TENM4: variants seen among roughly 807,000 people sequenced by gnomAD.
TENM4 encodes the protein teneurin-4.
In TENM4, 82 loss-of-function variants were observed where a neutral mutation model predicts 243.3. The observed-to-expected ratio is 0.34, with a 90% CI of 0.28 to 0.40. TENM4 has a LOEUF of 0.40. Among genes scored for constraint, TENM4 ranks in the 10% least tolerant of loss-of-function variants. TENM4 has a pLI of 1.00. For missense variants in TENM4, 3,138 were observed against 3,673.3 expected (o/e 0.85, Z 3.77); for synonymous variants, 1,412 against 1,456.3 (o/e 0.97, Z 0.69).
intron 1 of TENM4, among the ~76,000 whole-genome samples, chr11:79,343,986 A>C (rs1857285309): frequency 1.3e-5 from 2 of 152,234 alleles, no homozygotes; most frequent in Admixed American, 1.3e-4. Context: ...GCATTCACAG[A>C]GATGCTGCTT....
intron 6 of TENM4, among the ~76,000 whole-genome samples, chr11:79,049,395 AG>A (rs2136931363): frequency 6.6e-6 from 1 of 152,372 alleles, no homozygotes; most frequent in South Asian, 2.1e-4. Flanking sequence ...TGCATGAAGG[AG>A]GATGACTAGA....
At position 78,660,519 on chromosome 11, in the gene TENM4, G is replaced by A. The variant is rs80068138; in HGVS notation, c.7551+930C>T. Reference sequence around the variant, plus strand: ...TGCAGAATCCCATTCTCCGGGGTCTGGTAGGAGATAGCTATGCTGAGGCCT... The same window carrying A: ...TGCAGAATCCCATTCTCCGGGGTCTAGTAGGAGATAGCTATGCTGAGGCCT... On this transcript the variant is annotated intron_variant, in intron 33 of 33. Transcript: ENST00000278550. Among the ~76,000 whole-genome samples the A allele has an allele frequency of 9.4e-3, 1,432 of 152,174 alleles. 22 individuals carry two copies. Among genetic ancestry groups the A allele is most frequent in the African/African-American group, 0.032 (1,321 of 41,500 alleles).
rs373614953 is a variant in TENM4, at chr11:78,783,651, G to A, written c.2365+3247C>T. Reference sequence around the variant, plus strand: ...CCTTCTTCAAGATGCAAAGAGACAGGTGATTCCTAACATAAGGAATTAGGA... The same window carrying A: ...CCTTCTTCAAGATGCAAAGAGACAGATGATTCCTAACATAAGGAATTAGGA... On this transcript the variant is annotated intron_variant, in intron 16 of 33. Coordinates refer to ENST00000278550, the MANE Select transcript of TENM4 (RefSeq NM_001098816.3). Among the ~76,000 whole-genome samples the A allele has an allele frequency of 1.6e-4, 25 of 152,298 alleles. No homozygotes were observed. In the East Asian group the frequency reaches 3.9e-3, roughly 23 times the overall value.
intron 2 of TENM4, among the ~76,000 whole-genome samples, chr11:79,232,253 C>A (rs1173421673): frequency 6.6e-6 from 1 of 152,084 alleles, no homozygotes; most frequent in African/African-American, 2.4e-5. Context: ...TGTAAGGGGC[C>A]CTGAAGTGAA....
At chr11:78,769,641 C>T (rs1481891052) in intron 18 of TENM4, among the ~76,000 whole-genome samples, 1 of 152,180 alleles carries the variant, frequency 6.6e-6, no homozygotes, top group Non-Finnish European at 1.5e-5. Flanking sequence ...ATATTTCAAT[C>T]CTCCAAGACC....
intron 27 of TENM4, among the ~76,000 whole-genome samples, chr11:78,704,157 G>GTGTGTATATATATATATA (rs1201390547): frequency 2.8e-5 from 2 of 70,536 alleles, no homozygotes; most frequent in African/African-American, 1.2e-4. Flanking sequence ...ATGTATGTGT[G>GTGTGTATATATATATATA]TCTATATATA....
intron 6 of TENM4, among the ~76,000 whole-genome samples, chr11:79,000,994 G>A (rs1194142965): frequency 6.6e-6 from 1 of 152,194 alleles, no homozygotes; most frequent in African/African-American, 2.4e-5. Flanking sequence ...TTGCACCACT[G>A]CACTTCAGCC....
At chr11:79,033,202 C>T (rs1859289938) in intron 6 of TENM4, among the ~76,000 whole-genome samples, 1 of 152,096 alleles carries the variant, frequency 6.6e-6, no homozygotes. Context: ...CTCCTCTAGA[C>T]TGCGAGATCC....
At chr11:79,138,344 TATAAAA>T (rs1862157723) in intron 4 of TENM4, among the ~76,000 whole-genome samples, 1 of 123,922 alleles carries the variant, frequency 8.1e-6, no homozygotes, top group African/African-American at 3.1e-5. Context: ...ATATATAATA[TATAAAA>T]ATATATAATA....
At chr11:78,854,962 TGA>T (rs1320791533) in intron 11 of TENM4, among the ~76,000 whole-genome samples, 6 of 152,202 alleles carry the variant, frequency 3.9e-5, no homozygotes, top group Non-Finnish European at 7.3e-5. Context: ...ACTGCTTGTG[TGA>T]GACTCCAGAA....
intron 1 of TENM4, among the ~76,000 whole-genome samples, chr11:79,404,175 C>T (rs929826548): frequency 3.9e-5 from 6 of 152,220 alleles, no homozygotes; most frequent in African/African-American, 1.4e-4. Flanking sequence ...CCCCAAACAG[C>T]CCCAAATCCT....
At position 78,888,560 on chromosome 11, in the gene TENM4, C is replaced by T. The variant is rs1302063953; in HGVS notation, c.1084+1225G>A. On this transcript the variant is annotated intron_variant, in intron 9 of 33. Coordinates refer to ENST00000278550, the MANE Select transcript of TENM4 (RefSeq NM_001098816.3). ...CCTTACAGCTTATGCCACTCAAACCCCATCCATGCTTGAACCACTTCTCTA... is the reference window on the plus strand; with the variant it reads ...CCTTACAGCTTATGCCACTCAAACCTCATCCATGCTTGAACCACTTCTCTA... 2.0e-5 allele frequency among the ~76,000 whole-genome samples: 3 copies of T among 152,312 alleles called. No individual in the cohort carries two copies. In the East Asian group the frequency reaches 5.8e-4, roughly 29 times the overall value.
At chr11:79,178,297 T>C (rs1037098330) in intron 3 of TENM4, among the ~76,000 whole-genome samples, 3 of 152,128 alleles carry the variant, frequency 2.0e-5, no homozygotes, top group Admixed American at 2.0e-4. Context: ...GAGGGATATA[T>C]AAATTGGAGT....
chr11:79,230,430 A>G (rs1426060670), intron 2 of TENM4, among the ~76,000 whole-genome samples: 1 of 152,188 alleles, frequency 6.6e-6, no homozygotes, highest in Non-Finnish European at 1.5e-5. Context: ...GGTCAGGGCC[A>G]TCTCCAAGAA....
At chr11:79,296,425 C>T (rs952895325) in intron 2 of TENM4, among the ~76,000 whole-genome samples, 12 of 152,182 alleles carry the variant, frequency 7.9e-5, no homozygotes, top group African/African-American at 2.9e-4. Context: ...GCAGGTTTCC[C>T]TTGGTTCTCA....
intron 1 of TENM4, among the ~76,000 whole-genome samples, chr11:79,404,383 G>A (rs1259167712): frequency 1.3e-5 from 2 of 152,212 alleles, no homozygotes; most frequent in African/African-American, 4.8e-5. Context: ...TTTTATGTGT[G>A]GCTGCAGAGA....
intron 14 of TENM4, among the ~76,000 whole-genome samples, chr11:78,811,917 C>T (rs1205371275): frequency 1.4e-4 from 22 of 152,230 alleles, no homozygotes; most frequent in Non-Finnish European, 4.4e-5. Context: ...CATGACATTT[C>T]TCCCCTTCAT....
chr11:78,883,944 A>G (rs1313437977), intron 9 of TENM4, among the ~76,000 whole-genome samples: 2 of 152,230 alleles, frequency 1.3e-5, no homozygotes, highest in African/African-American at 2.4e-5. Context: ...TTGGTGCTGC[A>G]GTGAGACAAG....
At chr11:79,124,278 G>C (rs1489569152) in intron 4 of TENM4, among the ~76,000 whole-genome samples, 2 of 151,704 alleles carry the variant, frequency 1.3e-5, no homozygotes, top group Non-Finnish European at 2.9e-5. Flanking sequence ...TGTGTGTGAG[G>C]GTGTTGCCAA....
Sources: allele counts gnomAD v4.1 joint callset (sites outside exome capture counted in the v4.1 genomes callset), GRCh38; gene constraint gnomAD v4.1.1; transcripts MANE v1.5; gene names NCBI Gene and HGNC (gene_info 2026-07-23, HGNC 2026-07-21).